ANO6: variants seen among roughly 807,000 people sequenced by gnomAD.
ANO6 encodes anoctamin 6.
ANO6 carries 106 observed loss-of-function variants against 117.5 expected under a neutral mutation model. The ratio of observed to expected loss-of-function variants is 0.90; its 90% CI spans 0.77 to 1.06. The LOEUF is 1.06. Among genes scored for constraint, ANO6 ranks in the 50% least tolerant of loss-of-function variants. The pLI, the probability that ANO6 is intolerant of heterozygous loss-of-function variation, is 0.00. For missense variants in ANO6, 955 were observed against 1,121.1 expected (o/e 0.85, Z 2.12); for synonymous variants, 367 against 385.1 (o/e 0.95, Z 0.55).
intron 19 of ANO6, among the ~76,000 whole-genome samples, chr12:45,438,025 T>G (rs1300502981): frequency 6.6e-6 from 1 of 152,190 alleles, no homozygotes; most frequent in Non-Finnish European, 1.5e-5. Flanking sequence ...TCTCTATGCA[T>G]GTGAAATCCA....
At chr12:45,225,512 G>A (rs1380608126) in intron 1 of ANO6, among the ~76,000 whole-genome samples, 1 of 150,480 alleles carries the variant, frequency 6.6e-6, no homozygotes, top group East Asian at 2.0e-4. Context: ...TTTTTGAGAT[G>A]GAGTCTTACT....
chr12:45,414,910 C>T (rs116856360), intron 16 of ANO6, among the ~76,000 whole-genome samples: 2,419 of 152,192 alleles, frequency 0.016, 56 homozygotes, highest in East Asian at 0.096. Context: ...ACTACAGGCT[C>T]GTACCACCAT....
chr12:45,285,579 AT>A (rs1938884024), intron 1 of ANO6, among the ~76,000 whole-genome samples: 1 of 152,196 alleles, frequency 6.6e-6, no homozygotes, highest in South Asian at 2.1e-4. Context: ...AATACAAAAA[AT>A]TAGCCAGGCG....
intron 3 of ANO6, among the ~76,000 whole-genome samples, chr12:45,332,959 ATT>A (rs965211016): frequency 1.3e-5 from 2 of 149,628 alleles, no homozygotes; most frequent in African/African-American, 2.5e-5. Flanking sequence ...TTTCAAATCA[ATT>A]TTTTTTTTCT....
At chr12:45,216,773 C>T (rs570401872) in intron 1 of ANO6, among the ~76,000 whole-genome samples, 2 of 152,240 alleles carry the variant, frequency 1.3e-5, no homozygotes, top group Non-Finnish European at 2.9e-5. Context: ...GGGCGAGCCC[C>T]CTGGGCGGGG....
downstream of ANO6, among the ~76,000 whole-genome samples, chr12:45,435,626 T>C (rs543833337): frequency 3.9e-5 from 6 of 152,236 alleles, no homozygotes; most frequent in East Asian, 1.2e-3. Context: ...GATCTAAGTA[T>C]CTTAAGAATA....
At chr12:45,405,708 G>A (rs1942915340) in intron 15 of ANO6, among the ~76,000 whole-genome samples, 1 of 152,084 alleles carries the variant, frequency 6.6e-6, no homozygotes. Context: ...TCGGGAGTTC[G>A]AGACCAGCCT....
intron 9 of ANO6, among the ~76,000 whole-genome samples, chr12:45,370,029 T>C (rs1941783696): frequency 6.6e-6 from 1 of 152,260 alleles, no homozygotes; most frequent in Non-Finnish European, 1.5e-5. Context: ...TAAAATCATC[T>C]TGCCTACATA....
intron 2 of ANO6, among the ~76,000 whole-genome samples, chr12:45,328,568 C>T (rs1186976947): frequency 6.6e-6 from 1 of 152,066 alleles, no homozygotes; most frequent in Admixed American, 6.6e-5. Context: ...GAATATGTGT[C>T]ATTCATAACT....
At chr12:45,355,350 T>C (rs1189500011) in intron 7 of ANO6, among the ~76,000 whole-genome samples, 1 of 152,112 alleles carries the variant, frequency 6.6e-6, no homozygotes, top group African/African-American at 2.4e-5. Context: ...TTGCCTACAA[T>C]GTAACAGGGA....
chr12:45,311,451 C>G (rs573400674), intron 2 of ANO6, among the ~76,000 whole-genome samples: 9 of 152,118 alleles, frequency 5.9e-5, no homozygotes, highest in African/African-American at 2.2e-4. Context: ...TTTTCCTGCT[C>G]AGTATTGGTA....
intron 1 of ANO6, among the ~76,000 whole-genome samples, chr12:45,236,761 G>C (rs571607112): frequency 6.6e-6 from 1 of 152,294 alleles, no homozygotes; most frequent in African/African-American, 2.4e-5. Flanking sequence ...GGATGGCTGG[G>C]TCAAATGGTA....
At chr12:45,384,199 A>G (rs1017525249) in intron 10 of ANO6, among the ~76,000 whole-genome samples, 6 of 152,214 alleles carry the variant, frequency 3.9e-5, no homozygotes, top group African/African-American at 1.4e-4. Flanking sequence ...CAGCCTTCAT[A>G]GAGTGGAAGG....
intron 10 of ANO6, among the ~76,000 whole-genome samples, chr12:45,382,736 T>C (rs1441460707): frequency 6.6e-6 from 1 of 152,236 alleles, no homozygotes; most frequent in East Asian, 1.9e-4. Context: ...TACTATAGTC[T>C]AGTGAGTGTG....
At chr12:45,372,200 A>C (rs1176543530) in intron 9 of ANO6, among the ~76,000 whole-genome samples, 2 of 151,390 alleles carry the variant, frequency 1.3e-5, no homozygotes, top group Non-Finnish European at 3.0e-5. Flanking sequence ...TCCAAGAAAT[A>C]TGGGACTATG....
In ANO6 at chr12:45,289,302, G is replaced by GA. The variant is rs1355849317; in HGVS notation, c.71-12711dup. 4.0e-5 allele frequency among the ~76,000 whole-genome samples: 6 copies of GA among 151,602 alleles called. No homozygotes were observed. In the East Asian group the frequency reaches 1.2e-3, roughly 29 times the overall value. The stretch of plus-strand genomic sequence containing the variant: ...CTGCCTCACCTTCCTGAGTAGCTCG[G>GA]ATTACAGGTGCCTGCCACCACACCT... On this transcript the variant is annotated intron_variant, in intron 1 of 19. Transcript: ENST00000320560.
chr12:45,343,562 GT>G (rs1489196894), intron 3 of ANO6, among the ~76,000 whole-genome samples: 2 of 152,214 alleles, frequency 1.3e-5, no homozygotes, highest in East Asian at 3.9e-4. Flanking sequence ...GGTCTAACAC[GT>G]TTTCCCTAGT....
intron 1 of ANO6, among the ~76,000 whole-genome samples, chr12:45,291,148 A>G (rs937744452): frequency 2.0e-5 from 3 of 152,170 alleles, no homozygotes; most frequent in Non-Finnish European, 4.4e-5. Context: ...CTCAAAATGG[A>G]TTAACCCACG....
intron 2 of ANO6, among the ~76,000 whole-genome samples, chr12:45,321,305 TTGAAACTGTATTAATAAATTTTCGC>T (rs1292494288): frequency 1.3e-5 from 2 of 152,180 alleles, no homozygotes; most frequent in Non-Finnish European, 2.9e-5. Flanking sequence ...ATGTGGAATG[TTGAAACTGTATTAATAAATTTTCGC>T]TACTTGCCTT....
Sources: allele counts gnomAD v4.1 joint callset (sites outside exome capture counted in the v4.1 genomes callset), GRCh38; gene constraint gnomAD v4.1.1; transcripts MANE v1.5; gene names NCBI Gene and HGNC (gene_info 2026-07-23, HGNC 2026-07-21).